The following PLXNC1 variants were observed in gnomAD, a reference collection of about 807,000 sequenced individuals.
PLXNC1 encodes the protein plexin C1.
A neutral mutation model predicts 178.2 loss-of-function variants in PLXNC1; 75 were observed. The ratio of observed to expected loss-of-function variants is 0.42; its 90% confidence interval spans 0.35 to 0.51. The LOEUF is 0.51. Among genes scored for constraint, PLXNC1 ranks in the 20% least tolerant of loss-of-function variants. PLXNC1 has a pLI of 0.02. For synonymous variants in PLXNC1, 790 were observed against 779.9 expected, an observed-to-expected ratio of 1.01 and a Z score of -0.22; for missense variants, 1,503 against 1,984.4, an observed-to-expected ratio of 0.76 and a Z score of 4.61.
chr12:94,256,566 G>A (rs184410455), intron 17 of PLXNC1, among the ~76,000 whole-genome samples: 16 of 152,008 alleles, frequency 1.1e-4, no homozygotes, highest in African/African-American at 2.4e-4. Context: ...TCGATTCCCC[G>A]AATCAGGATG....
Position 94,224,280 on chromosome 12 carries a change from C to G in PLXNC1, c.1755C>G (p.Asp585Glu). The G allele has an allele frequency of 6.3e-7, 1 of 1,596,324 alleles. No individual in the cohort carries two copies. Among genetic ancestry groups the G allele is most frequent in the Non-Finnish European group, 8.6e-7 (1 of 1,163,784 alleles). Residue 585 changes from aspartate to glutamate, a missense_variant, in exon 7 of 31, where the codon GAC (aspartate) becomes GAG (glutamate). Coordinates refer to ENST00000258526, the MANE Select transcript of PLXNC1 (RefSeq NM_005761.3). ...CCTTCGGTTCTTGGAATTTATCAGA[C>G]AGATTCAACTTTACCAACTGCTCAT... ...MFSFGSWNLSDRFNFTNCSSL... is the reference protein window; with the variant it reads ...MFSFGSWNLSERFNFTNCSSL...
chr12:94,187,196 A>AAC (rs952668493), intron 4 of PLXNC1, among the ~76,000 whole-genome samples: 4 of 144,706 alleles, frequency 2.8e-5, no homozygotes, highest in Non-Finnish European at 5.9e-5. Flanking sequence ...GAGAGAGAAA[A>AAC]AAAAACCCAT....
intron 3 of PLXNC1, among the ~76,000 whole-genome samples, chr12:94,185,178 C>T (rs1428475466): frequency 6.6e-6 from 1 of 152,206 alleles, no homozygotes; most frequent in Non-Finnish European, 1.5e-5. Flanking sequence ...AATTCCGGCT[C>T]AGGATCACGG....
chr12:94,160,218 A>G (rs968414362), intron 1 of PLXNC1, among the ~76,000 whole-genome samples: 3 of 152,106 alleles, frequency 2.0e-5, no homozygotes, highest in African/African-American at 7.2e-5. Context: ...TTTCCCAGGC[A>G]TCTATCAGGT....
Position 94,260,553 on chromosome 12 carries a change from C to T in PLXNC1, c.3252-89C>T. The T allele has an allele frequency of 1.1e-6, 1 of 894,202 alleles. No homozygotes were observed. The highest frequency in any genetic ancestry group is 1.7e-6 in the Non-Finnish European group (1 of 573,260). The allele number at this position is 894,202 out of a possible 1,614,324, so 55.4% of individuals were successfully genotyped here. ...GCTCCCAACCCAACAGGCCAGCTCC[C>T]TGCCCTGCCAGTGAGCTTCCATGGA... On this transcript the variant is annotated intron_variant, in intron 19 of 30. Coordinates refer to ENST00000258526, the MANE Select transcript of PLXNC1 (RefSeq NM_005761.3). This position sits in a 1 kb window ranked among gnomAD's most constrained non-coding sequence, Gnocchi z 4.4.
chr12:94,167,429 G>A (rs961659135), intron 1 of PLXNC1, among the ~76,000 whole-genome samples: 1 of 152,194 alleles, frequency 6.6e-6, no homozygotes, highest in African/African-American at 2.4e-5. Context: ...AGGCAGAGAC[G>A]ATGCCCTATT....
intron 7 of PLXNC1, among the ~76,000 whole-genome samples, chr12:94,225,016 A>G (rs1259115555): frequency 6.6e-6 from 1 of 152,186 alleles, no homozygotes; most frequent in East Asian, 1.9e-4. Context: ...GAGAAGGACA[A>G]GGTGAAGTCC....
At chr12:94,277,820 C>G (rs1322728901) in intron 21 of PLXNC1, 4 of 401,808 alleles carry the variant, frequency 1.0e-5, no homozygotes, top group African/African-American at 8.2e-5. Context: ...TGGCCCCGTG[C>G]TAAGCCCTTG....
At chr12:94,178,527 A>G (rs1962186323) in intron 2 of PLXNC1, among the ~76,000 whole-genome samples, 1 of 152,342 alleles carries the variant, frequency 6.6e-6, no homozygotes, top group Non-Finnish European at 1.5e-5. Flanking sequence ...AGATCAACTG[A>G]ATCTGAGCTG....
At chr12:94,212,722 C>CT (rs538048142) in intron 5 of PLXNC1, among the ~76,000 whole-genome samples, 29,904 of 136,076 alleles carry the variant, frequency 0.22, 3,608 homozygotes, top group Non-Finnish European at 0.26. Context: ...CTTTTCTTTT[C>CT]TTTTTTTTTT....
chr12:94,212,100 C>T (rs1186281099), intron 5 of PLXNC1, among the ~76,000 whole-genome samples: 1 of 151,488 alleles, frequency 6.6e-6, no homozygotes, highest in Admixed American at 6.6e-5. Flanking sequence ...CGGTGAAACC[C>T]CGTCTCTACT....
chr12:94,258,461 AAAG>A (rs1224520350), intron 17 of PLXNC1, among the ~76,000 whole-genome samples: 3 of 152,246 alleles, frequency 2.0e-5, no homozygotes, highest in Admixed American at 6.5e-5. Flanking sequence ...TATTATCAAA[AAAG>A]AAGAAAAACT....
intron 4 of PLXNC1, among the ~76,000 whole-genome samples, chr12:94,207,688 C>A (rs1201329658): frequency 6.6e-6 from 1 of 152,158 alleles, no homozygotes; most frequent in African/African-American, 2.4e-5. Context: ...TAATTCGAGG[C>A]AGCATATGAT....
chr12:94,304,096 A>G (rs1431239356), intron 30 of PLXNC1, 45 bp downstream of exon 30: 1 of 1,192,766 alleles, frequency 8.4e-7, no homozygotes, highest in Non-Finnish European at 1.2e-6. Flanking sequence ...AATCAGGCAC[A>G]AGGATGTGGT....
At chr12:94,186,888 C>T (rs996210223) in intron 4 of PLXNC1, 7 of 172,368 alleles carry the variant, frequency 4.1e-5, no homozygotes, top group East Asian at 2.9e-4. Flanking sequence ...GTTCGCTCCG[C>T]AGAAGCCTCG....
chr12:94,237,386 A>G (rs1592796068), intron 9 of PLXNC1, among the ~76,000 whole-genome samples: 1 of 152,152 alleles, frequency 6.6e-6, no homozygotes, highest in East Asian at 1.9e-4. Flanking sequence ...GTGATACCTC[A>G]CTCTTCAGAC....
chr12:94,274,498 C>G (rs1258255953), intron 21 of PLXNC1, among the ~76,000 whole-genome samples: 1 of 152,182 alleles, frequency 6.6e-6, no homozygotes, highest in Admixed American at 6.5e-5. Context: ...GGAGGGATGG[C>G]TGCTGGTTGG....
At chr12:94,170,848 CT>C (rs1045719845) in intron 2 of PLXNC1, among the ~76,000 whole-genome samples, 21 of 152,088 alleles carry the variant, frequency 1.4e-4, no homozygotes, top group African/African-American at 4.8e-4. Flanking sequence ...GCTTTATTTC[CT>C]GGGGAAGGGT....
intron 5 of PLXNC1, among the ~76,000 whole-genome samples, chr12:94,212,827 C>G (rs112982218): frequency 5.3e-5 from 8 of 151,322 alleles, no homozygotes; most frequent in African/African-American, 1.9e-4. Flanking sequence ...TCATGCCATT[C>G]TCCTGCCTCA....
Sources: gnomAD v4.1 joint callset for allele counts (sites outside exome capture counted in the v4.1 genomes callset) on GRCh38, gnomAD v4.1.1 for gene constraint, Gnocchi (gnomAD v3.1) non-coding constraint, MANE v1.5 for transcripts, NCBI Gene and HGNC (gene_info 2026-07-23, HGNC 2026-07-21) for gene names.